CCDC149: variants seen among roughly 807,000 people sequenced by gnomAD.
CCDC149 encodes the protein coiled-coil domain-containing protein 149.
A neutral mutation model predicts 59.9 loss-of-function variants in CCDC149; 45 were observed. The ratio of observed to expected loss-of-function variants is 0.75; its 90% CI spans 0.59 to 0.96. The LOEUF (loss-of-function observed/expected upper bound fraction) is 0.96, where lower values mean the gene tolerates loss of function less well. Ranked by LOEUF, CCDC149 falls within the 40% of genes least tolerant of loss-of-function variation. CCDC149 has a pLI of 0.00. For missense variants in CCDC149, 584 were observed against 664.7 expected (o/e 0.88, Z 1.33); for synonymous variants, 245 against 260.6 (o/e 0.94, Z 0.58).
chr4:24,892,644 G>A (rs1212177931), intron 1 of CCDC149, among the ~76,000 whole-genome samples: 1 of 152,136 alleles, frequency 6.6e-6, no homozygotes, highest in African/African-American at 2.4e-5. Flanking sequence ...ATCCTCACAA[G>A]GAGGCCCTCT....
At chr4:24,922,442 A>G (rs1293866614) in intron 1 of CCDC149, among the ~76,000 whole-genome samples, 2 of 152,206 alleles carry the variant, frequency 1.3e-5, no homozygotes, top group Admixed American at 1.3e-4. Flanking sequence ...CCCTTCCTCC[A>G]TGCAATCCAC....
intron 1 of CCDC149, among the ~76,000 whole-genome samples, chr4:24,929,311 G>A (rs1722520255): frequency 6.6e-6 from 1 of 152,144 alleles, no homozygotes; most frequent in African/African-American, 2.4e-5. Context: ...ATGAATCATG[G>A]TCTCCAGGAT....
intron 1 of CCDC149, among the ~76,000 whole-genome samples, chr4:24,878,216 TAAAAAA>T (rs66494953): frequency 5.6e-5 from 7 of 125,148 alleles, no homozygotes; most frequent in Admixed American, 2.4e-4. Context: ...TTTTTTTTCC[TAAAAAA>T]AAAAAAAAAA....
In CCDC149 at chr4:24,903,795, T is replaced by C. The variant is rs1448975833; in HGVS notation, c.63+9022A>G. ...TGATCAGTTTTCTGTCTTTTTAATT[T>C]TTAGCTTTTTTTTTTTTTTTTTGAA... On this transcript the variant is annotated intron_variant, in intron 1 of 12. Coordinates refer to ENST00000635206, the MANE Select transcript of CCDC149 (RefSeq NM_001330643.2). Among the ~76,000 whole-genome samples, 4 of 128,208 alleles carry C rather than the reference T, an allele frequency of 3.1e-5. No individual in the cohort carries two copies. The East Asian group carries it at 8.7e-4, about 28-fold the overall frequency. 84.1% of individuals were successfully genotyped at this position (128,208 alleles called of 152,430 possible). A position where few individuals can be genotyped will look rare whatever the true frequency, so the allele number is the denominator to read the frequency against.
At chr4:24,897,682 G>A (rs4697492) in intron 1 of CCDC149, among the ~76,000 whole-genome samples, 1 of 152,110 alleles carries the variant, frequency 6.6e-6, no homozygotes, top group Admixed American at 6.5e-5. Flanking sequence ...GCAGCCAGCA[G>A]ATGCTCTGAA....
At chr4:24,842,527 C>T (rs80087926) in intron 4 of CCDC149, among the ~76,000 whole-genome samples, 36 of 152,338 alleles carry the variant, frequency 2.4e-4, no homozygotes, top group African/African-American at 7.5e-4. Flanking sequence ...GGATCAGTGC[C>T]TTGCACAGCA....
At chr4:24,891,480 T>G (rs1042944937) in intron 1 of CCDC149, among the ~76,000 whole-genome samples, 3 of 152,236 alleles carry the variant, frequency 2.0e-5, no homozygotes, top group Non-Finnish European at 4.4e-5. Flanking sequence ...ATGATGGGCA[T>G]GATTTGACTT....
intron 1 of CCDC149, among the ~76,000 whole-genome samples, chr4:24,924,816 T>A (rs1321956273): frequency 6.6e-6 from 1 of 152,208 alleles, no homozygotes; most frequent in Non-Finnish European, 1.5e-5. Context: ...AGATGCCACC[T>A]CTTGAGTATG....
chr4:24,949,496 C>T (rs139761906), intron 1 of CCDC149, among the ~76,000 whole-genome samples: 138 of 152,200 alleles, frequency 9.1e-4, no homozygotes, highest in African/African-American at 3.0e-3. Context: ...TATTGAGCTC[C>T]TATATTTGTT....
chr4:24,837,888 T>C lies in CCDC149; in HGVS notation c.489+268A>G, dbSNP rs564601474. On this transcript the variant is annotated intron_variant, in intron 5 of 12. Coordinates refer to ENST00000635206, the MANE Select transcript of CCDC149 (RefSeq NM_001330643.2). The surrounding 1 kb of genome is among the most constrained non-coding windows in gnomAD (Gnocchi z 4.3). ...GTAAGGCCAGTTTGTCACGTGTTGT[T>C]CTCTCCCTGTCTATCCTGGCTAGGA... Among the ~76,000 whole-genome samples the C allele has an allele frequency of 1.3e-5, 2 of 152,320 alleles. No homozygotes were observed. The highest frequency in any genetic ancestry group is 6.5e-5 in the Admixed American group (1 of 15,308).
At chr4:24,809,453 G>A (rs1173288218) in intron 12 of CCDC149, among the ~76,000 whole-genome samples, 1 of 152,206 alleles carries the variant, frequency 6.6e-6, no homozygotes, top group Non-Finnish European at 1.5e-5. Context: ...GGGAGAGAAG[G>A]GGGAGCCCTT....
At chr4:24,902,801 T>C (rs1025013035) in intron 1 of CCDC149, among the ~76,000 whole-genome samples, 27 of 152,172 alleles carry the variant, frequency 1.8e-4, no homozygotes, top group African/African-American at 6.3e-4. Flanking sequence ...GACTGATGGA[T>C]AGCTTTGAGC....
chr4:24,809,984 G>A (rs1047773376), intron 12 of CCDC149, among the ~76,000 whole-genome samples: 2 of 152,104 alleles, frequency 1.3e-5, no homozygotes, highest in Admixed American at 6.5e-5. Context: ...ATTTCCTTTC[G>A]CTTAGGCCCT....
At chr4:24,847,594 G>A (rs1195708995) in intron 4 of CCDC149, among the ~76,000 whole-genome samples, 1 of 152,124 alleles carries the variant, frequency 6.6e-6, no homozygotes, top group Non-Finnish European at 1.5e-5. Context: ...AATTATGTGG[G>A]GACTAAATGA....
At chr4:24,934,616 C>T (rs1400218555) in intron 1 of CCDC149, among the ~76,000 whole-genome samples, 1 of 152,108 alleles carries the variant, frequency 6.6e-6, no homozygotes, top group Admixed American at 6.5e-5. Context: ...TTATCTATTA[C>T]AAAGAGTGAC....
Position 24,969,892 on chromosome 4 carries a change from C to T in CCDC149, c.-65+10177G>A, listed in dbSNP as rs375310256. 1.9e-4 allele frequency among the ~76,000 whole-genome samples: 29 copies of T among 152,310 alleles called. 1 individual carries two copies. Among genetic ancestry groups the T allele is most frequent in the Admixed American group, 7.8e-4 (12 of 15,302 alleles). ...CAGTGTGACTTGCATTTCACTCCTTCGGTGTTCAATACATGGCCCCTGCAG... is the reference window on the plus strand; with the variant it reads ...CAGTGTGACTTGCATTTCACTCCTTTGGTGTTCAATACATGGCCCCTGCAG... On this transcript the variant is annotated intron_variant, in intron 1 of 12. Transcript: ENST00000389609.
chr4:24,831,355 G>A, intron 9 of CCDC149, 151 bp downstream of exon 9: 1 of 726,412 alleles, frequency 1.4e-6, no homozygotes. Flanking sequence ...TAAAGCAGAA[G>A]CACCATTCTA....
chr4:24,813,865 C>T (rs180991284), intron 12 of CCDC149, among the ~76,000 whole-genome samples: 26 of 152,060 alleles, frequency 1.7e-4, no homozygotes, highest in Admixed American at 6.5e-4. Flanking sequence ...ACTACCAAGA[C>T]GAAGGGTGGA....
At chr4:24,846,358 G>C (rs1717291180) in intron 4 of CCDC149, among the ~76,000 whole-genome samples, 1 of 152,198 alleles carries the variant, frequency 6.6e-6, no homozygotes, top group Non-Finnish European at 1.5e-5. Context: ...CAAGGCGAGA[G>C]CTTTTCATTA....
Sources: allele counts gnomAD v4.1 joint callset (sites outside exome capture counted in the v4.1 genomes callset), GRCh38; gene constraint gnomAD v4.1.1; non-coding constraint Gnocchi (gnomAD v3.1); transcripts MANE v1.5; gene names NCBI Gene and HGNC (gene_info 2026-07-23, HGNC 2026-07-21).